Variants in KAZN observed in about 807,000 individuals in gnomAD.
The protein encoded by KAZN is kazrin.
A neutral mutation model predicts 87.4 loss-of-function variants in KAZN; 40 were observed. The observed-to-expected ratio is 0.46, with a 90% CI of 0.36 to 0.60. The LOEUF (loss-of-function observed/expected upper bound fraction) is 0.60, where lower values mean the gene tolerates loss of function less well. Ranked by LOEUF, KAZN falls within the 20% of genes least tolerant of loss-of-function variation. The pLI is 0.00. For missense variants in KAZN, 898 were observed against 1,073.9 expected (o/e 0.84, Z 2.29); for synonymous variants, 466 against 458.3 (o/e 1.02, Z -0.22).
intron 2 of KAZN, among the ~76,000 whole-genome samples, chr1:14,271,947 A>C (rs1157780126): frequency 1.3e-5 from 2 of 152,272 alleles, no homozygotes; most frequent in Non-Finnish European, 2.9e-5. Context: ...ACAACATAGA[A>C]TAAGCCTCAG....
chr1:14,622,277 G>A (rs1678755422), intron 1 of KAZN, among the ~76,000 whole-genome samples: 1 of 152,126 alleles, frequency 6.6e-6, no homozygotes, highest in African/African-American at 2.4e-5. Flanking sequence ...AATTCTAATT[G>A]GAAAGTATGG....
At chr1:14,147,487 T>G (rs1336674962) in intron 1 of KAZN, among the ~76,000 whole-genome samples, 3 of 152,156 alleles carry the variant, frequency 2.0e-5, no homozygotes, top group East Asian at 1.9e-4. Context: ...TTAGATTTAT[T>G]GGGAGGATTA....
In KAZN at chr1:15,094,087, C is replaced by T. The variant is rs1640689688; in HGVS notation, c.1223-93C>T. Reference sequence around the variant, plus strand: ...GAGAATACATGGAGGGGAGGATGTCCCCACCACCCTCTGCCTCCCGGGGGT... The same window carrying T: ...GAGAATACATGGAGGGGAGGATGTCTCCACCACCCTCTGCCTCCCGGGGGT... On this transcript the variant is annotated intron_variant, in intron 8 of 14. Coordinates refer to ENST00000376030, the MANE Select transcript of KAZN (RefSeq NM_201628.3). This position sits in a 1 kb window ranked among gnomAD's most constrained non-coding sequence, Gnocchi z 4.5. 1.8e-6 allele frequency: 2 copies of T among 1,132,410 alleles called. No homozygotes were observed. Among genetic ancestry groups the T allele is most frequent in the Non-Finnish European group, 2.5e-6 (2 of 785,790 alleles). 70.1% of individuals were successfully genotyped at this position (1,132,410 alleles called of 1,614,324 possible).
At chr1:14,070,887 G>A (rs1018680661) in intron 1 of KAZN, among the ~76,000 whole-genome samples, 3 of 152,084 alleles carry the variant, frequency 2.0e-5, no homozygotes, top group Non-Finnish European at 4.4e-5. Flanking sequence ...TACTCAAATC[G>A]AGGTATCGTC....
chr1:14,717,597 C>T (rs1303742026), intron 1 of KAZN, among the ~76,000 whole-genome samples: 8 of 152,214 alleles, frequency 5.3e-5, no homozygotes, highest in Non-Finnish European at 1.2e-4. Flanking sequence ...TCTAATCCAG[C>T]ATGATCTCAT....
chr1:14,604,990 T>A (rs554428024), intron 1 of KAZN, among the ~76,000 whole-genome samples: 1 of 152,338 alleles, frequency 6.6e-6, no homozygotes, highest in South Asian at 2.1e-4. Flanking sequence ...GTAAAGGCCT[T>A]CCATTCCCAA....
intron 1 of KAZN, among the ~76,000 whole-genome samples, chr1:14,798,867 C>T (rs893420638): frequency 6.6e-6 from 1 of 151,954 alleles, no homozygotes; most frequent in Non-Finnish European, 1.5e-5. Context: ...CTCAAGCCAT[C>T]CTCCCACCTC....
In KAZN at chr1:15,094,995, A is replaced by ACCC; in HGVS notation, c.1547+63_1547+64insCCC. 8.3e-7 allele frequency: 1 copy of ACCC among 1,208,632 alleles called. No individual in the cohort carries two copies. Among genetic ancestry groups the ACCC allele is most frequent in the Non-Finnish European group, 1.2e-6 (1 of 842,490 alleles). 74.9% of individuals were successfully genotyped at this position (1,208,632 alleles called of 1,614,324 possible). A position where few individuals can be genotyped will look rare whatever the true frequency, so the allele number is the denominator to read the frequency against. On this transcript the variant is annotated intron_variant, in intron 10 of 14. Transcript: ENST00000376030. The surrounding 1 kb of genome is among the most constrained non-coding windows in gnomAD (Gnocchi z 4.5). ...AAAAGTCATCCTGAGGCCTTTGGTC[A>ACCC]CACAGGTGGGGTGAGCGGGGCACTG...
intron 2 of KAZN, among the ~76,000 whole-genome samples, chr1:14,402,203 C>G (rs1356711861): frequency 2.7e-5 from 4 of 150,928 alleles, no homozygotes; most frequent in Admixed American, 1.3e-4. Flanking sequence ...AATACAAAAC[C>G]CACATTTTAA....
chr1:14,208,407 C>T (rs975019662), intron 2 of KAZN, among the ~76,000 whole-genome samples: 2 of 152,146 alleles, frequency 1.3e-5, no homozygotes, highest in African/African-American at 4.8e-5. Flanking sequence ...TTCATTGACT[C>T]ATTCATTCAC....
chr1:14,956,400 G>A (rs1032737351), intron 1 of KAZN, among the ~76,000 whole-genome samples: 1 of 151,594 alleles, frequency 6.6e-6, no homozygotes, highest in African/African-American at 2.4e-5. Flanking sequence ...AGGAGTTCGA[G>A]ACCAGCCTAG....
chr1:14,981,421 T>A (rs1666238357), intron 2 of KAZN, among the ~76,000 whole-genome samples: 1 of 152,240 alleles, frequency 6.6e-6, no homozygotes, highest in African/African-American at 2.4e-5. Flanking sequence ...ATGGAGTTTT[T>A]ATGCAAATTG....
intron 1 of KAZN, among the ~76,000 whole-genome samples, chr1:14,732,667 CTT>C (rs1301202531): frequency 1.3e-5 from 2 of 152,058 alleles, no homozygotes; most frequent in East Asian, 3.9e-4. Flanking sequence ...CAAAATGAAA[CTT>C]ATTTTTTTTC....
intron 1 of KAZN, among the ~76,000 whole-genome samples, chr1:14,936,927 G>A (rs2101614784): frequency 6.6e-6 from 1 of 152,106 alleles, no homozygotes; most frequent in South Asian, 2.1e-4. Context: ...AGGAGCTCAG[G>A]GCCTGTCTGT....
At chr1:14,631,551 C>A (rs978222126) in intron 1 of KAZN, among the ~76,000 whole-genome samples, 3 of 152,166 alleles carry the variant, frequency 2.0e-5, no homozygotes, top group African/African-American at 7.2e-5. Context: ...TGCTACCTCT[C>A]ACCCCAGGGC....
chr1:13,932,552 G>T (rs1002109764), intron 1 of KAZN, among the ~76,000 whole-genome samples: 7 of 152,176 alleles, frequency 4.6e-5, no homozygotes, highest in African/African-American at 1.7e-4. Flanking sequence ...GAGCCACCGC[G>T]CCCGGCCTTA....
chr1:14,133,377 A>AAAAG (rs149462642), intron 1 of KAZN, among the ~76,000 whole-genome samples: 9,110 of 71,554 alleles, frequency 0.13, 752 homozygotes, highest in Non-Finnish European at 0.16. Flanking sequence ...AAAAAAAAAA[A>AAAAG]AAAGAAAGAA....
At chr1:14,432,820 G>A (rs907825454) in intron 2 of KAZN, among the ~76,000 whole-genome samples, 16 of 152,062 alleles carry the variant, frequency 1.1e-4, no homozygotes, top group African/African-American at 3.1e-4. Flanking sequence ...GAGAACATGC[G>A]GTGTTTGGTT....
chr1:14,375,555 T>A (rs1571438188), intron 2 of KAZN, among the ~76,000 whole-genome samples: 1 of 152,172 alleles, frequency 6.6e-6, no homozygotes, highest in Non-Finnish European at 1.5e-5. Flanking sequence ...GCATTTTTCA[T>A]CTCATGCTCA....
Sources: allele counts gnomAD v4.1 joint callset (sites outside exome capture counted in the v4.1 genomes callset), GRCh38; gene constraint gnomAD v4.1.1; non-coding constraint Gnocchi (gnomAD v3.1); transcripts MANE v1.5; gene names NCBI Gene and HGNC (gene_info 2026-07-23, HGNC 2026-07-21).